Variants in NBEA observed in about 807,000 individuals in gnomAD.
NBEA encodes lysosomal-trafficking regulator 2.
A neutral mutation model predicts 343.4 loss-of-function variants in NBEA; 44 were observed. That is an observed-to-expected ratio of 0.13 (90% CI 0.10 to 0.16). The LOEUF (loss-of-function observed/expected upper bound fraction) is 0.16, where lower values mean the gene tolerates loss of function less well. NBEA is among the 10% of genes least tolerant of loss of function. The pLI, the probability that NBEA is intolerant of heterozygous loss-of-function variation, is 1.00. For synonymous variants in NBEA, 1,175 were observed against 1,238.7 expected (o/e 0.95, Z 1.08); for missense variants, 2,555 against 3,631.3 (o/e 0.70, Z 7.62).
At chr13:34,974,498 A>G (rs571259930) in intron 1 of NBEA, among the ~76,000 whole-genome samples, 19 of 152,318 alleles carry the variant, frequency 1.2e-4, no homozygotes, top group Admixed American at 9.8e-4. Context: ...GCCTCCAAAC[A>G]AGGAAAACTG....
chr13:35,236,339 A>G (rs1287534217), intron 34 of NBEA, among the ~76,000 whole-genome samples: 1 of 152,224 alleles, frequency 6.6e-6, no homozygotes, highest in Non-Finnish European at 1.5e-5. Flanking sequence ...TTTCTTAAAC[A>G]TGTAAAGAAG....
chr13:35,556,079 T>C (rs1169379812), intron 44 of NBEA, among the ~76,000 whole-genome samples: 2 of 152,016 alleles, frequency 1.3e-5, no homozygotes, highest in Non-Finnish European at 2.9e-5. Flanking sequence ...AAAATGCTTT[T>C]TCACTTTAAT....
chr13:35,246,819 T>A (rs1347366083), intron 34 of NBEA, among the ~76,000 whole-genome samples: 3 of 151,864 alleles, frequency 2.0e-5, no homozygotes, highest in Non-Finnish European at 4.4e-5. Flanking sequence ...GATCAGGTGG[T>A]AGTATAGGGA....
chr13:35,603,925 G>C (rs2082170982), intron 47 of NBEA, among the ~76,000 whole-genome samples: 1 of 152,208 alleles, frequency 6.6e-6, no homozygotes, highest in Non-Finnish European at 1.5e-5. Context: ...TTTTCCCAAA[G>C]AGTGAGAGTA....
chr13:35,234,288 A>G lies in NBEA; in HGVS notation c.5776+1669A>G, dbSNP rs2075119044. ...ATGCTCTGAAGAATTGGATTCTGAG[A>G]AGAACCATGCTAATTCAAAGCAGCC... On this transcript the variant is annotated intron_variant, in intron 34 of 58. Transcript: ENST00000379939. Among the ~76,000 whole-genome samples the G allele has an allele frequency of 3.9e-5, 6 of 152,302 alleles. No individual in the cohort carries two copies. In the South Asian group the frequency reaches 1.2e-3, roughly 32 times the overall value.
intron 38 of NBEA, among the ~76,000 whole-genome samples, chr13:35,419,762 A>G (rs1448046211): frequency 1.3e-5 from 2 of 151,960 alleles, no homozygotes; most frequent in Non-Finnish European, 2.9e-5. Flanking sequence ...AGTGCCAAGG[A>G]ACAACACAAA....
intron 18 of NBEA, among the ~76,000 whole-genome samples, chr13:35,152,166 A>T (rs886878150): frequency 6.6e-6 from 1 of 152,218 alleles, no homozygotes; most frequent in Non-Finnish European, 1.5e-5. Flanking sequence ...CCTTATAGTA[A>T]TAACTAACCA....
At chr13:35,011,945 A>C (rs1164307726) in intron 1 of NBEA, among the ~76,000 whole-genome samples, 2 of 152,166 alleles carry the variant, frequency 1.3e-5, no homozygotes, top group Non-Finnish European at 2.9e-5. Flanking sequence ...AGCAGTATTA[A>C]TCACTTGTCA....
intron 36 of NBEA, among the ~76,000 whole-genome samples, chr13:35,331,042 T>C (rs2038897316): frequency 6.6e-6 from 1 of 152,098 alleles, no homozygotes; most frequent in South Asian, 2.1e-4. Flanking sequence ...AGAATTGATA[T>C]GAATTCCCAC....
intron 1 of NBEA, among the ~76,000 whole-genome samples, chr13:34,948,299 G>T (rs1239648652): frequency 6.6e-6 from 1 of 152,144 alleles, no homozygotes; most frequent in African/African-American, 2.4e-5. Context: ...GTGGTGATTG[G>T]TTCAGGGACA....
At chr13:35,016,586 GTA>G (rs1491192960) in intron 1 of NBEA, among the ~76,000 whole-genome samples, 1 of 57,684 alleles carries the variant, frequency 1.7e-5, no homozygotes, top group African/African-American at 5.7e-5. Flanking sequence ...GCTTGTATGT[GTA>G]TACACACACA....
intron 38 of NBEA, among the ~76,000 whole-genome samples, chr13:35,397,207 TA>T (rs758806022): frequency 2.6e-5 from 4 of 152,218 alleles, no homozygotes; most frequent in African/African-American, 9.6e-5. Flanking sequence ...GCTTAAGCCA[TA>T]CTAACATTCT....
chr13:35,509,243 A>G (rs966181840), intron 41 of NBEA, among the ~76,000 whole-genome samples: 9 of 152,182 alleles, frequency 5.9e-5, no homozygotes, highest in Admixed American at 5.2e-4. Context: ...TGAAAGGCAC[A>G]AATTCGATAC....
At chr13:35,117,185 T>C (rs2066538632) in intron 13 of NBEA, among the ~76,000 whole-genome samples, 1 of 151,854 alleles carries the variant, frequency 6.6e-6, no homozygotes, top group African/African-American at 2.4e-5. Context: ...TTTAAAAAGT[T>C]CTTTTTTCCA....
intron 1 of NBEA, among the ~76,000 whole-genome samples, chr13:34,973,379 A>T (rs2060061618): frequency 6.7e-6 from 1 of 148,220 alleles, no homozygotes; most frequent in Admixed American, 6.7e-5. Flanking sequence ...GGCTCTCTAA[A>T]ACCTAGAGGC....
Position 35,670,916 on chromosome 13 carries a change from C to T in NBEA, c.8829C>T (p.Gly2943=), listed in dbSNP as rs749082117. The change falls in exon 59 of 59, where the codon GGC becomes GGT. Residue 2943 remains glycine (G), a synonymous_variant. Coordinates refer to ENST00000379939, the MANE Select transcript of NBEA (RefSeq NM_001385012.1). The stretch of plus-strand genomic sequence containing the variant: ...GCTTTTCCAGGACTCTGATCACTGG[C>T]ATGGCTTCTGGTAGCATTGTAGCTT... ...LSHDQRTLIT[G]MASGSIVAFN... The T allele has an allele frequency of 1.1e-4, 181 of 1,595,634 alleles. 1 individual carries two copies. Among genetic ancestry groups the T allele is most frequent in the South Asian group, 5.6e-4 (49 of 87,628 alleles).
At chr13:35,593,250 A>G in intron 46 of NBEA, 78 bp from the exon 47 acceptor site, 1 of 1,504,634 alleles carries the variant, frequency 6.6e-7, no homozygotes. Flanking sequence ...AGGATTTTCA[A>G]GATAGCCATG....
chr13:35,130,216 A>T (rs61947420), intron 17 of NBEA, among the ~76,000 whole-genome samples: 5,121 of 152,168 alleles, frequency 0.034, 90 homozygotes, highest in South Asian at 0.055. Flanking sequence ...AGAACCTAAA[A>T]CTGCTCTAAA....
At chr13:35,259,606 A>G (rs997437178) in intron 34 of NBEA, among the ~76,000 whole-genome samples, 1 of 149,200 alleles carries the variant, frequency 6.7e-6, no homozygotes, top group African/African-American at 2.6e-5. Flanking sequence ...AAAACTTATC[A>G]ATCTAAAATC....
Sources: allele counts gnomAD v4.1 joint callset (sites outside exome capture counted in the v4.1 genomes callset), GRCh38; gene constraint gnomAD v4.1.1; transcripts MANE v1.5; gene names NCBI Gene and HGNC (gene_info 2026-07-23, HGNC 2026-07-21).